LINGO2: variants seen among roughly 807,000 people sequenced by gnomAD.
LINGO2 encodes the protein leucine rich repeat and Ig domain containing 2.
A neutral mutation model predicts 30.6 loss-of-function variants in LINGO2; 14 were observed. The observed-to-expected ratio is 0.46, with a 90% CI of 0.30 to 0.72. LINGO2 has a LOEUF of 0.72. LINGO2 is among the 30% of genes least tolerant of loss of function. The probability of loss-of-function intolerance (pLI) is 0.07; values close to 1 mark genes in which losing one functional copy is unlikely to be tolerated. For missense variants in LINGO2, 729 were observed against 751.7 expected (o/e 0.97, Z 0.35); for synonymous variants, 317 against 288.5 (o/e 1.10, Z -1.00).
At chr9:29,101,543 C>T in the LINGO2 span, among the ~76,000 whole-genome samples, 7 of 152,140 alleles carry the variant, frequency 4.6e-5, no homozygotes, top group Non-Finnish European at 1.0e-4. Context: ...TCCCCTCCCC[C>T]GTGTAGTGTC....
chr9:28,025,025 A>G (rs1364860763), intron 4 of LINGO2, among the ~76,000 whole-genome samples: 1 of 152,188 alleles, frequency 6.6e-6, no homozygotes, highest in African/African-American at 2.4e-5. Context: ...GGCAGTAATC[A>G]TTTCACATAA....
the LINGO2 span, among the ~76,000 whole-genome samples, chr9:29,073,867 C>G: frequency 6.6e-6 from 1 of 152,160 alleles, no homozygotes; most frequent in African/African-American, 2.4e-5. Flanking sequence ...ATCGCAGTGC[C>G]TCAATCATTG....
At chr9:28,614,942 C>T (rs1826074866) in intron 1 of LINGO2, among the ~76,000 whole-genome samples, 1 of 152,072 alleles carries the variant, frequency 6.6e-6, no homozygotes, top group Non-Finnish European at 1.5e-5. Flanking sequence ...CTTCTATTAG[C>T]CTCCAACCTT....
At chr9:28,882,483 C>T in the LINGO2 span, among the ~76,000 whole-genome samples, 1 of 152,142 alleles carries the variant, frequency 6.6e-6, no homozygotes, top group African/African-American at 2.4e-5. Flanking sequence ...CTGTAAACTC[C>T]AGTAATACAA....
the LINGO2 span, among the ~76,000 whole-genome samples, chr9:28,729,473 CAACA>C: frequency 2.6e-5 from 4 of 151,998 alleles, no homozygotes; most frequent in South Asian, 2.1e-4. Flanking sequence ...GAAGTTTTCA[CAACA>C]AACAAACAAA....
chr9:28,848,395 G>A, the LINGO2 span, among the ~76,000 whole-genome samples: 3,637 of 37,834 alleles, frequency 0.096, 151 homozygotes, highest in African/African-American at 0.14. Flanking sequence ...GTGTGTGTGT[G>A]TGTATATATA....
chr9:28,008,564 A>G (rs960877558), intron 5 of LINGO2, among the ~76,000 whole-genome samples: 1 of 110,060 alleles, frequency 9.1e-6, no homozygotes, highest in Admixed American at 1.1e-4. Context: ...ATAATCCACT[A>G]AAAACTATTA....
the LINGO2 span, among the ~76,000 whole-genome samples, chr9:28,995,092 A>G: frequency 6.6e-6 from 1 of 151,896 alleles, no homozygotes; most frequent in Admixed American, 6.6e-5. Context: ...AACCTACAAA[A>G]TGGGAGAAAA....
exon 6 of LINGO2, chr9:27,949,101 G>A (rs1394498112): frequency 3.7e-6 from 6 of 1,614,206 alleles, no homozygotes; most frequent in Non-Finnish European, 5.1e-6. Context: ...ATTGGAAATG[G>A]TGTCATTGGA....
the LINGO2 span, among the ~76,000 whole-genome samples, chr9:28,844,417 C>T: frequency 6.6e-6 from 1 of 151,760 alleles, no homozygotes; most frequent in Non-Finnish European, 1.5e-5. Flanking sequence ...CAGATGTAAT[C>T]CAATATGAGC....
intron 3 of LINGO2, among the ~76,000 whole-genome samples, chr9:28,327,890 G>T (rs1825286436): frequency 6.6e-6 from 1 of 151,882 alleles, no homozygotes; most frequent in Non-Finnish European, 1.5e-5. Flanking sequence ...AAGAAAGGAA[G>T]GAAGGCAAGG....
the LINGO2 span, among the ~76,000 whole-genome samples, chr9:29,029,114 A>C: frequency 1.3e-5 from 2 of 152,090 alleles, no homozygotes; most frequent in African/African-American, 2.4e-5. Context: ...AGAGGATTTA[A>C]CCTTTCATCT....
chr9:28,307,381 C>A (rs1019288875), intron 3 of LINGO2, among the ~76,000 whole-genome samples: 13 of 146,820 alleles, frequency 8.9e-5, no homozygotes, highest in Non-Finnish European at 1.7e-4. Context: ...ATTCAACAAC[C>A]CTTCATGCTA....
At chr9:29,008,867 G>A in the LINGO2 span, among the ~76,000 whole-genome samples, 1 of 152,110 alleles carries the variant, frequency 6.6e-6, no homozygotes, top group Admixed American at 6.6e-5. Context: ...GGGATTGCAA[G>A]GCTGGTTCAA....
At chr9:28,625,114 T>G (rs59333935) in intron 1 of LINGO2, among the ~76,000 whole-genome samples, 19,729 of 152,058 alleles carry the variant, frequency 0.13, 1,610 homozygotes, top group African/African-American at 0.22. Flanking sequence ...CCCAGAGCCC[T>G]TTAGCTTGTG....
chr9:28,360,036 A>T (rs1440232335), intron 3 of LINGO2, among the ~76,000 whole-genome samples: 5 of 152,192 alleles, frequency 3.3e-5, no homozygotes. Context: ...TCTATAGAGC[A>T]TGTACACTAA....
At chr9:28,184,806 C>T (rs1819483259) in intron 4 of LINGO2, among the ~76,000 whole-genome samples, 1 of 152,148 alleles carries the variant, frequency 6.6e-6, no homozygotes, top group Non-Finnish European at 1.5e-5. Context: ...CCTAAAATAA[C>T]TGCACCCCTA....
chr9:28,419,647 G>A (rs926027350), intron 2 of LINGO2, among the ~76,000 whole-genome samples: 3 of 151,124 alleles, frequency 2.0e-5, no homozygotes, highest in African/African-American at 7.3e-5. Context: ...CTATTTTACA[G>A]TTCTGAAATA....
the LINGO2 span, among the ~76,000 whole-genome samples, chr9:29,132,447 A>G: frequency 6.6e-6 from 1 of 152,144 alleles, no homozygotes; most frequent in South Asian, 2.1e-4. Context: ...ACTTCACTTC[A>G]GCCTCTGATT....
Sources: gnomAD v4.1 joint callset for allele counts (sites outside exome capture counted in the v4.1 genomes callset) on GRCh38, gnomAD v4.1.1 for gene constraint, MANE v1.5 for transcripts, NCBI Gene and HGNC (gene_info 2026-07-23, HGNC 2026-07-21) for gene names.